The following GALNT2 variants were observed in gnomAD, a reference collection of about 807,000 sequenced individuals.
The protein encoded by GALNT2 is UDP-GalNAc:polypeptide N-acetylgalactosaminyltransferase 2.
A neutral mutation model predicts 81.4 loss-of-function variants in GALNT2; 31 were observed. The observed-to-expected ratio is 0.38, with a 90% CI of 0.29 to 0.51. GALNT2 has a LOEUF of 0.51. GALNT2 is among the 20% of genes least tolerant of loss of function. The pLI, the probability that GALNT2 is intolerant of heterozygous loss-of-function variation, is 0.87. For missense variants in GALNT2, 629 were observed against 765.7 expected, an observed-to-expected ratio of 0.82 and a Z score of 2.11; for synonymous variants, 303 against 287.4, an observed-to-expected ratio of 1.05 and a Z score of -0.55.
At chr1:230,097,415 C>T (rs1355266657) in intron 1 of GALNT2, among the ~76,000 whole-genome samples, 4 of 152,168 alleles carry the variant, frequency 2.6e-5, no homozygotes, top group African/African-American at 9.7e-5. Context: ...CCCCACTCTC[C>T]CAGCTCCTGG....
chr1:230,077,228 G>A (rs753516292), intron 1 of GALNT2, among the ~76,000 whole-genome samples: 6 of 152,140 alleles, frequency 3.9e-5, no homozygotes, highest in Admixed American at 6.5e-5. Flanking sequence ...TGACCTAGAT[G>A]TTGAGCTTTT....
rs1558268786 is a variant in GALNT2, at chr1:230,070,378, G to A, written c.126+2972G>A. ...TCCCCTGGGCTTTGGTACGTTGGCA[G>A]TGGATGGAGCCGCAGAAGAGAGGAA... On this transcript the variant is annotated intron_variant, in intron 1 of 15. Coordinates refer to ENST00000366672, the MANE Select transcript of GALNT2 (RefSeq NM_004481.5). This position sits in a 1 kb window ranked among gnomAD's most constrained non-coding sequence, Gnocchi z 4.7. Among the ~76,000 whole-genome samples, 1 of 152,164 alleles carries A rather than the reference G, an allele frequency of 6.6e-6. No homozygotes were observed.
intron 2 of GALNT2, among the ~76,000 whole-genome samples, chr1:230,201,485 A>G (rs1410579120): frequency 6.6e-6 from 1 of 152,188 alleles, no homozygotes; most frequent in Non-Finnish European, 1.5e-5. Context: ...CTCATCTCTG[A>G]AATAGAGAAA....
chr1:230,075,048 G>A (rs906595788), intron 1 of GALNT2, among the ~76,000 whole-genome samples: 1 of 146,844 alleles, frequency 6.8e-6, no homozygotes, highest in African/African-American at 2.5e-5. Flanking sequence ...GCCTCATTTG[G>A]AAAGTTCCTG....
intron 6 of GALNT2, among the ~76,000 whole-genome samples, chr1:230,238,742 CT>C (rs1289362512): frequency 6.6e-6 from 1 of 151,992 alleles, no homozygotes; most frequent in Non-Finnish European, 1.5e-5. Flanking sequence ...ATACAGTATC[CT>C]TTTAATATAT....
chr1:230,243,167 T>A lies in GALNT2; in HGVS notation c.608-139T>A. 1 of 1,119,836 alleles carries A rather than the reference T, an allele frequency of 8.9e-7. No homozygotes were observed. The highest frequency in any genetic ancestry group is 2.7e-5 in the Admixed American group (1 of 37,570). 69.4% of individuals were successfully genotyped at this position (1,119,836 alleles called of 1,614,324 possible). On this transcript the variant is annotated intron_variant, in intron 6 of 15. Transcript: ENST00000366672. This position sits in a 1 kb window ranked among gnomAD's most constrained non-coding sequence, Gnocchi z 4.2. ...GTCTCATGGAGCAGTTTTGATCTCA[T>A]CCAGCAAGTTTACAGTAATGTCCGT...
intron 2 of GALNT2, among the ~76,000 whole-genome samples, chr1:230,180,162 G>C (rs12075378): frequency 6.6e-6 from 1 of 152,040 alleles, no homozygotes; most frequent in Non-Finnish European, 1.5e-5. Context: ...CAGGTGATCC[G>C]CCCGCCTCGG....
chr1:230,082,321 CA>C (rs1236354488), intron 1 of GALNT2, among the ~76,000 whole-genome samples: 2 of 152,198 alleles, frequency 1.3e-5, no homozygotes, highest in South Asian at 2.1e-4. Flanking sequence ...TGTAAGTTTC[CA>C]GGGGCACCGT....
chr1:230,276,086 T>C (rs989545491), intron 15 of GALNT2, among the ~76,000 whole-genome samples: 1 of 150,192 alleles, frequency 6.7e-6, no homozygotes, highest in Non-Finnish European at 1.5e-5. Context: ...CACATATATA[T>C]ACATATATAA....
At position 230,092,181 on chromosome 1, in the gene GALNT2, T is replaced by TTTTTGGTTTTTTTTG. The variant is rs776859825; in HGVS notation, c.126+24779_126+24780insGGTTTTTTTTGTTTT. The TTTTTGGTTTTTTTTG allele has an allele frequency of 7.0e-5, 8 of 114,010 alleles. 1 individual carries two copies. Among genetic ancestry groups the TTTTTGGTTTTTTTTG allele is most frequent in the South Asian group, 3.2e-4 (1 of 3,096 alleles). 7.1% of individuals were successfully genotyped at this position (114,010 alleles called of 1,614,324 possible). On this transcript the variant is annotated intron_variant, in intron 1 of 15. Transcript: ENST00000366672. ...GTTCACCTTATATTCCTTTAGTTTTTTTTTTTTTTTTTTTTGCACTGATCT... is the reference window on the plus strand; with the variant it reads ...GTTCACCTTATATTCCTTTAGTTTTTTTTTGGTTTTTTTTGTTTTTTTTTTTTTTTGCACTGATCT...
chr1:230,106,351 G>C (rs1660545486), intron 1 of GALNT2, among the ~76,000 whole-genome samples: 1 of 152,204 alleles, frequency 6.6e-6, no homozygotes. Context: ...CCTGCTTCCA[G>C]GAGCCATGCC....
At chr1:230,134,845 A>G (rs1290535134) in intron 1 of GALNT2, among the ~76,000 whole-genome samples, 1 of 152,188 alleles carries the variant, frequency 6.6e-6, no homozygotes, top group East Asian at 1.9e-4. Flanking sequence ...CCCAGTGCTC[A>G]GAAAATCCAA....
chr1:230,069,400 A>G (rs1659307047), intron 1 of GALNT2, among the ~76,000 whole-genome samples: 1 of 152,122 alleles, frequency 6.6e-6, no homozygotes, highest in African/African-American at 2.4e-5. Flanking sequence ...TTGGGATTCT[A>G]TTCTTTCTGT....
intron 1 of GALNT2, among the ~76,000 whole-genome samples, chr1:230,109,980 C>T (rs1246077614): frequency 6.6e-6 from 1 of 152,216 alleles, no homozygotes; most frequent in Non-Finnish European, 1.5e-5. Flanking sequence ...TTTCCTGTCA[C>T]GCAGATCAGA....
intron 1 of GALNT2, among the ~76,000 whole-genome samples, chr1:230,107,938 C>T (rs941248489): frequency 1.3e-4 from 20 of 152,190 alleles, no homozygotes; most frequent in African/African-American, 4.1e-4. Context: ...GCTGTGGGCA[C>T]ATCTGGATCC....
intron 10 of GALNT2, among the ~76,000 whole-genome samples, chr1:230,251,046 T>C (rs1236985202): frequency 6.6e-6 from 1 of 152,214 alleles, no homozygotes; most frequent in African/African-American, 2.4e-5. Flanking sequence ...TTCTGTTTGT[T>C]TGTTTTTTTG....
intron 1 of GALNT2, 30 bp downstream of exon 1, chr1:230,067,436 C>G: frequency 1.0e-6 from 1 of 967,926 alleles, no homozygotes; most frequent in Non-Finnish European, 1.3e-6. Flanking sequence ...GCGGCCGGGC[C>G]CCTGCGCCCA....
In GALNT2 at chr1:230,209,934, AC is replaced by A. The variant is rs2102712593; in HGVS notation, c.374+6646del. Among the ~76,000 whole-genome samples the A allele has an allele frequency of 2.0e-5, 3 of 152,284 alleles. No homozygotes were observed. In the South Asian group the frequency reaches 6.2e-4, roughly 32 times the overall value. On this transcript the variant is annotated intron_variant, in intron 3 of 15. Coordinates refer to ENST00000366672, the MANE Select transcript of GALNT2 (RefSeq NM_004481.5). The stretch of plus-strand genomic sequence containing the variant: ...GCATGACCGGCAGGCCAGTGGGAGG[AC>A]CGGCCAGCCAGATCCTGAAATGACT...
At chr1:230,274,403 C>T in intron 14 of GALNT2, 42 bp from the exon 15 acceptor site, 1 of 1,603,114 alleles carries the variant, frequency 6.2e-7, no homozygotes, top group Non-Finnish European at 8.5e-7. Flanking sequence ...CTTTCACAGC[C>T]CGGTGCATAG....
Sources: allele counts gnomAD v4.1 joint callset (sites outside exome capture counted in the v4.1 genomes callset), GRCh38; gene constraint gnomAD v4.1.1; non-coding constraint Gnocchi (gnomAD v3.1); transcripts MANE v1.5; gene names NCBI Gene and HGNC (gene_info 2026-07-23, HGNC 2026-07-21).